The following B3GAT2 variants were observed in gnomAD, a reference collection of about 807,000 sequenced individuals.
B3GAT2 encodes the protein galactosylgalactosylxylosylprotein 3-beta-glucuronosyltransferase 2.
A neutral mutation model predicts 27.8 loss-of-function variants in B3GAT2; 26 were observed. That is an observed-to-expected ratio of 0.93 (90% confidence interval 0.68 to 1.30). B3GAT2 has a LOEUF of 1.30. B3GAT2 is among the 50% of genes most tolerant of loss of function. B3GAT2 has a pLI of 0.00. For synonymous variants in B3GAT2, 218 were observed against 195.1 expected, an observed-to-expected ratio of 1.12 and a Z score of -0.98; for missense variants, 458 against 459.0, an observed-to-expected ratio of 1.00 and a Z score of 0.02.
At chr6:70,933,822 G>A (rs918609787) in intron 1 of B3GAT2, among the ~76,000 whole-genome samples, 3 of 152,134 alleles carry the variant, frequency 2.0e-5, no homozygotes, top group Non-Finnish European at 2.9e-5. Context: ...GCCTTCCACA[G>A]CTCCTGTTGC....
chr6:70,920,522 T>C (rs919370426), intron 1 of B3GAT2, among the ~76,000 whole-genome samples: 3 of 152,204 alleles, frequency 2.0e-5, no homozygotes. Context: ...CTGGGAGCTG[T>C]AGACCAGAAC....
chr6:70,955,287 C>A (rs1441331754), intron 1 of B3GAT2, among the ~76,000 whole-genome samples: 3 of 152,002 alleles, frequency 2.0e-5, no homozygotes, highest in Non-Finnish European at 4.4e-5. Context: ...CATTTCCGTG[C>A]CAGTGGGCCG....
chr6:70,905,072 A>T (rs946539221), intron 1 of B3GAT2, among the ~76,000 whole-genome samples: 5 of 152,238 alleles, frequency 3.3e-5, no homozygotes, highest in Non-Finnish European at 7.3e-5. Flanking sequence ...CTAAACTGCC[A>T]AATGCAATTT....
chr6:70,935,144 A>C (rs1391473054), intron 1 of B3GAT2, among the ~76,000 whole-genome samples: 1 of 152,100 alleles, frequency 6.6e-6, no homozygotes, highest in African/African-American at 2.4e-5. Flanking sequence ...AAAAAAGAGC[A>C]ATATAAAATA....
intron 1 of B3GAT2, among the ~76,000 whole-genome samples, chr6:70,949,717 G>T (rs1476456727): frequency 2.6e-5 from 4 of 151,772 alleles, no homozygotes; most frequent in African/African-American, 4.8e-5. Flanking sequence ...TATACCCAAA[G>T]GACTATAAAT....
At chr6:70,914,416 A>G (rs977275710) in intron 1 of B3GAT2, among the ~76,000 whole-genome samples, 2 of 152,150 alleles carry the variant, frequency 1.3e-5, no homozygotes, top group Non-Finnish European at 2.9e-5. Context: ...GTTTGCTGAG[A>G]ACGATGATTT....
intron 1 of B3GAT2, among the ~76,000 whole-genome samples, chr6:70,897,820 TTTTC>T (rs1211604447): frequency 2.6e-5 from 4 of 152,138 alleles, no homozygotes; most frequent in African/African-American, 7.2e-5. Context: ...ATTGAAGTTC[TTTTC>T]TTTTTTTGTA....
chr6:70,857,821 T>C lies in B3GAT2; in HGVS notation c.*3842A>G, dbSNP rs530180856. The C allele has an allele frequency of 4.6e-6, 6 of 1,290,518 alleles. No homozygotes were observed. Among genetic ancestry groups the C allele is most frequent in the East Asian group, 4.7e-5 (2 of 42,262 alleles). The allele number at this position is 1,290,518 out of a possible 1,614,324, so 79.9% of individuals were successfully genotyped here. ...GCAGCCAAACTGGAATTAAAATGTT[T>C]GCTGTGAGTAGTTCAGAAAGGCAAT... On this transcript the variant is annotated 3_prime_UTR_variant, in exon 4 of 4. Coordinates refer to ENST00000230053, the MANE Select transcript of B3GAT2 (RefSeq NM_080742.3).
intron 2 of B3GAT2, among the ~76,000 whole-genome samples, chr6:70,881,245 C>G (rs1385311346): frequency 6.6e-6 from 1 of 152,134 alleles, no homozygotes; most frequent in Non-Finnish European, 1.5e-5. Flanking sequence ...TACAGGAATC[C>G]TTGCTCTCCA....
intron 1 of B3GAT2, among the ~76,000 whole-genome samples, chr6:70,946,860 A>T (rs944227766): frequency 4.6e-5 from 7 of 151,766 alleles, no homozygotes; most frequent in African/African-American, 7.3e-5. Flanking sequence ...ATGCAAAAGA[A>T]CAGAAATTAT....
intron 1 of B3GAT2, among the ~76,000 whole-genome samples, chr6:70,928,389 G>T (rs1250326680): frequency 6.6e-6 from 1 of 151,820 alleles, no homozygotes; most frequent in Non-Finnish European, 1.5e-5. Context: ...AAAAATCAAT[G>T]AATCTAGGAA....
intron 2 of B3GAT2, among the ~76,000 whole-genome samples, chr6:70,888,298 A>G (rs1772224294): frequency 1.3e-5 from 2 of 152,052 alleles, no homozygotes; most frequent in Non-Finnish European, 1.5e-5. Flanking sequence ...GAATGTTTTA[A>G]TTACCCAACA....
At position 70,956,207 on chromosome 6, in the gene B3GAT2, G is replaced by C. The variant is rs753427344; in HGVS notation, c.223C>G (p.Pro75Ala). The change falls in exon 1 of 4, where the codon CCG becomes GCG. Residue 75 changes from proline (P) to alanine (A), a missense_variant. Transcript: ENST00000230053. ...TAGATGGTGGGCAGCTGCGGCTCCG[G>C]CTGTGGCTGCGGCCGAGACTGGTTG... ...KRNQSRPQPQ[P>A]EPQLPTIYAI... 1.2e-6 allele frequency: 2 copies of C among 1,612,136 alleles called. No individual in the cohort carries two copies. The highest frequency in any genetic ancestry group is 1.3e-5 in the African/African-American group (1 of 74,898).
chr6:70,937,057 T>G (rs1765293574), intron 1 of B3GAT2, among the ~76,000 whole-genome samples: 1 of 151,808 alleles, frequency 6.6e-6, no homozygotes, highest in South Asian at 2.1e-4. Context: ...CACAAAAAAA[T>G]GATAAAGGGG....
intron 1 of B3GAT2, among the ~76,000 whole-genome samples, chr6:70,955,453 G>C (rs1351682658): frequency 7.2e-6 from 1 of 139,542 alleles, no homozygotes; most frequent in Non-Finnish European, 1.5e-5. Context: ...TACGGTGCAG[G>C]TCCCTCCCTG....
intron 1 of B3GAT2, among the ~76,000 whole-genome samples, chr6:70,927,658 A>C (rs1301728000): frequency 6.6e-6 from 1 of 152,234 alleles, no homozygotes; most frequent in African/African-American, 2.4e-5. Context: ...CCAATACAGG[A>C]GCACCCAGAT....
At chr6:70,917,312 G>T (rs898532765) in intron 1 of B3GAT2, among the ~76,000 whole-genome samples, 12 of 151,928 alleles carry the variant, frequency 7.9e-5, no homozygotes, top group Non-Finnish European at 7.4e-5. Flanking sequence ...AGTCTTGCTT[G>T]TCATGTAATT....
intron 2 of B3GAT2, among the ~76,000 whole-genome samples, chr6:70,880,759 G>A (rs907058427): frequency 4.6e-5 from 7 of 151,770 alleles, no homozygotes; most frequent in East Asian, 3.9e-4. Context: ...TCTGCCTCCC[G>A]GGTTCAAACA....
intron 1 of B3GAT2, among the ~76,000 whole-genome samples, chr6:70,919,716 A>G (rs1165355791): frequency 6.6e-6 from 1 of 152,108 alleles, no homozygotes; most frequent in Non-Finnish European, 1.5e-5. Context: ...CCTCGGTATC[A>G]CCAATGGAGG....
Sources: allele counts gnomAD v4.1 joint callset (sites outside exome capture counted in the v4.1 genomes callset), GRCh38; gene constraint gnomAD v4.1.1; transcripts MANE v1.5; gene names NCBI Gene and HGNC (gene_info 2026-07-23, HGNC 2026-07-21).